ZNF69: variants seen among roughly 807,000 people sequenced by gnomAD.
ZNF69 encodes the protein zinc finger protein 69, also known as ZNF3.
A neutral mutation model predicts 50.9 loss-of-function variants in ZNF69; 47 were observed. The observed-to-expected ratio is 0.92, with a 90% CI of 0.73 to 1.18. ZNF69 has a LOEUF of 1.18. ZNF69 is among the 50% of genes most tolerant of loss of function. ZNF69 has a pLI of 0.00. For missense variants in ZNF69, 717 were observed against 675.1 expected (o/e 1.06, Z -0.69); for synonymous variants, 216 against 223.1 (o/e 0.97, Z 0.29).
intron 1 of ZNF69, among the ~76,000 whole-genome samples, 157 bp from the exon 2 acceptor site, chr19:11,903,416 A>G (rs1032525620): frequency 1.3e-5 from 2 of 152,216 alleles, no homozygotes; most frequent in African/African-American, 4.8e-5. Context: ...CTCAAAAAAA[A>G]GAATTGCTTT....
chr19:11,929,070 A>G, the ZNF69 span, among the ~76,000 whole-genome samples: 1 of 148,666 alleles, frequency 6.7e-6, no homozygotes, highest in Admixed American at 6.6e-5. Context: ...CCAGCTAGCT[A>G]TGTGAAAGCT....
At chr19:11,977,442 C>G in the ZNF69 span, 1 of 1,613,604 alleles carries the variant, frequency 6.2e-7, no homozygotes, top group Non-Finnish European at 8.5e-7. Flanking sequence ...GTAATTGGCA[C>G]TTAAAGAGAA....
the ZNF69 span, among the ~76,000 whole-genome samples, chr19:11,960,163 G>T: frequency 2.0e-5 from 3 of 151,786 alleles, no homozygotes; most frequent in Non-Finnish European, 4.4e-5. Context: ...GCGTCCCGGG[G>T]CGCATACCAC....
At chr19:11,942,496 A>G in the ZNF69 span, among the ~76,000 whole-genome samples, 2 of 152,098 alleles carry the variant, frequency 1.3e-5, no homozygotes, top group African/African-American at 4.8e-5. Context: ...CCTCTCAGAC[A>G]CTGGGTTAGA....
At chr19:11,893,359 G>C (rs936005138) in intron 1 of ZNF69, among the ~76,000 whole-genome samples, 2 of 151,982 alleles carry the variant, frequency 1.3e-5, no homozygotes, top group African/African-American at 4.8e-5. Flanking sequence ...TTTTCCCCTG[G>C]CATTTTCCAA....
chr19:11,920,206 G>A, the ZNF69 span, among the ~76,000 whole-genome samples: 3 of 151,590 alleles, frequency 2.0e-5, no homozygotes, highest in Admixed American at 6.6e-5. Flanking sequence ...CTGCCTCCTG[G>A]GTTCAAGCGA....
chr19:11,944,965 T>A, the ZNF69 span, among the ~76,000 whole-genome samples: 1 of 152,244 alleles, frequency 6.6e-6, no homozygotes, highest in Non-Finnish European at 1.5e-5. Flanking sequence ...ACATCCATCC[T>A]TCTTCCATCA....
the ZNF69 span, chr19:11,925,082 A>G: frequency 1.9e-6 from 2 of 1,041,382 alleles, no homozygotes; most frequent in East Asian, 2.9e-5. Flanking sequence ...CCCACAGTTC[A>G]TCCGGAAATG....
At chr19:11,942,130 G>A in the ZNF69 span, among the ~76,000 whole-genome samples, 1 of 151,180 alleles carries the variant, frequency 6.6e-6, no homozygotes, top group Non-Finnish European at 1.5e-5. Flanking sequence ...AATGATTCCT[G>A]GGCATCATAA....
the ZNF69 span, among the ~76,000 whole-genome samples, chr19:11,930,443 T>G: frequency 7.4e-5 from 11 of 148,346 alleles, 1 homozygote; most frequent in Non-Finnish European, 1.5e-4. Flanking sequence ...AACTGGAAAC[T>G]CTGTTGAGTT....
chr19:11,890,984 A>G lies in ZNF69; in HGVS notation c.63+2998A>G, dbSNP rs567222525. On this transcript the variant is annotated intron_variant, in intron 1 of 3. Transcript: ENST00000429654. ...AGGAAAAAAAACAGACTCCAGAGAA[A>G]TGGACTCAGTACTCTAAAATTAGAA... Among the ~76,000 whole-genome samples, 12 of 152,284 alleles carry G rather than the reference A, an allele frequency of 7.9e-5. No homozygotes were observed. In the South Asian group the frequency reaches 2.5e-3, roughly 32 times the overall value.
At chr19:11,947,478 CT>C in the ZNF69 span, 1 of 1,606,242 alleles carries the variant, frequency 6.2e-7, no homozygotes, top group Non-Finnish European at 8.5e-7. Context: ...CAATTTTATA[CT>C]GCTTCAGGAC....
chr19:11,974,387 A>T, the ZNF69 span, among the ~76,000 whole-genome samples: 1 of 151,132 alleles, frequency 6.6e-6, no homozygotes, highest in South Asian at 2.1e-4. Context: ...AGTAGAGATG[A>T]CATTTTACCA....
At chr19:11,956,884 A>G in the ZNF69 span, among the ~76,000 whole-genome samples, 45 of 152,136 alleles carry the variant, frequency 3.0e-4, no homozygotes, top group South Asian at 9.1e-3. Context: ...GGTTCTTCCC[A>G]TGGTGCTCCC....
the ZNF69 span, among the ~76,000 whole-genome samples, chr19:11,935,443 G>A: frequency 1.3e-5 from 2 of 151,984 alleles, no homozygotes; most frequent in East Asian, 2.0e-4. Context: ...CACCATGTTA[G>A]GCTGATCTCG....
At chr19:11,901,726 C>T (rs139015110) in intron 1 of ZNF69, among the ~76,000 whole-genome samples, 67 of 152,048 alleles carry the variant, frequency 4.4e-4, no homozygotes, top group African/African-American at 1.5e-3. Context: ...TCAAGTGATC[C>T]GCCCACCTTA....
the ZNF69 span, chr19:11,965,145 C>T: frequency 6.2e-7 from 1 of 1,609,942 alleles, no homozygotes; most frequent in Non-Finnish European, 8.5e-7. Context: ...CTGTCTCCTG[C>T]GCTGTGCCCT....
the ZNF69 span, among the ~76,000 whole-genome samples, chr19:11,973,858 A>G: frequency 6.6e-6 from 1 of 152,114 alleles, no homozygotes; most frequent in Non-Finnish European, 1.5e-5. Context: ...TGTAGGATTG[A>G]GACTACTGAA....
chr19:11,973,724 T>G, the ZNF69 span, among the ~76,000 whole-genome samples: 4 of 152,208 alleles, frequency 2.6e-5, no homozygotes, highest in South Asian at 6.2e-4. Context: ...TTAATTTTTT[T>G]TTTTTTTTTT....
Sources: allele counts gnomAD v4.1 joint callset (sites outside exome capture counted in the v4.1 genomes callset), GRCh38; gene constraint gnomAD v4.1.1; transcripts MANE v1.5; gene names NCBI Gene and HGNC (gene_info 2026-07-23, HGNC 2026-07-21).